Variants in NPAS3 observed in about 807,000 individuals in gnomAD.
NPAS3 encodes neuronal PAS domain-containing protein 3.
In NPAS3, 14 loss-of-function variants were observed where a neutral mutation model predicts 73.1. The observed-to-expected ratio is 0.19, with a 90% CI of 0.13 to 0.30. The LOEUF is 0.30. Among genes scored for constraint, NPAS3 ranks in the 10% least tolerant of loss-of-function variants. NPAS3 has a pLI of 1.00. For missense variants in NPAS3, 1,096 were observed against 1,250.0 expected, an observed-to-expected ratio of 0.88 and a Z score of 1.86; for synonymous variants, 620 against 541.5, an observed-to-expected ratio of 1.14 and a Z score of -2.01.
intron 4 of NPAS3, among the ~76,000 whole-genome samples, chr14:33,428,281 T>C (rs879390944): frequency 9.2e-5 from 14 of 152,160 alleles, no homozygotes; most frequent in Non-Finnish European, 1.8e-4. Flanking sequence ...GTCCTTCATC[T>C]GTACAATGAG....
intron 3 of NPAS3, among the ~76,000 whole-genome samples, chr14:33,235,254 G>C (rs371994288): frequency 2.0e-5 from 3 of 151,768 alleles, no homozygotes; most frequent in African/African-American, 7.3e-5. Flanking sequence ...CTCTTTTTTT[G>C]TCCTTTGTTT....
chr14:33,115,797 T>C (rs1350328300), intron 2 of NPAS3, among the ~76,000 whole-genome samples: 1 of 152,104 alleles, frequency 6.6e-6, no homozygotes, highest in African/African-American at 2.4e-5. Flanking sequence ...GAAAAACACA[T>C]GTGGAAAATT....
At chr14:33,040,000 G>A (rs555525353) in intron 1 of NPAS3, among the ~76,000 whole-genome samples, 1 of 151,940 alleles carries the variant, frequency 6.6e-6, no homozygotes, top group Non-Finnish European at 1.5e-5. Context: ...AAATATTTTT[G>A]AATACCAGAT....
intron 6 of NPAS3, among the ~76,000 whole-genome samples, chr14:33,724,497 G>T (rs2061207797): frequency 6.6e-6 from 1 of 152,072 alleles, no homozygotes; most frequent in African/African-American, 2.4e-5. Context: ...AGCCAGGCGT[G>T]GTGGCGCCCA....
chr14:32,996,414 A>C (rs532578571), intron 1 of NPAS3, among the ~76,000 whole-genome samples: 3 of 152,216 alleles, frequency 2.0e-5, no homozygotes, highest in African/African-American at 7.2e-5. Flanking sequence ...GTTAATCCCA[A>C]GACAATGGGG....
chr14:33,685,995 T>G (rs1485058192), intron 6 of NPAS3, among the ~76,000 whole-genome samples: 2 of 152,192 alleles, frequency 1.3e-5, no homozygotes, highest in African/African-American at 4.8e-5. Flanking sequence ...ATTATTATCA[T>G]AGACTATTTA....
intron 6 of NPAS3, among the ~76,000 whole-genome samples, chr14:33,681,674 GAT>G (rs2059942351): frequency 6.6e-6 from 1 of 152,272 alleles, no homozygotes; most frequent in Non-Finnish European, 1.5e-5. Context: ...TAATAACTGA[GAT>G]TTTTGGAGTC....
rs766923658 is a variant in NPAS3 at position 33,007,231 on chromosome 14, G to A, written c.51-48674G>A. Reference sequence around the variant, plus strand: ...GGGAGGGGTCTTAGTAGCGCCCGGCGCAAGCATCCTGGATGCCACAAGGTG... The same window carrying A: ...GGGAGGGGTCTTAGTAGCGCCCGGCACAAGCATCCTGGATGCCACAAGGTG... On this transcript the variant is annotated intron_variant, in intron 1 of 11. Coordinates refer to ENST00000356141, the Ensembl canonical transcript of NPAS3. 1.1e-4 allele frequency among the ~76,000 whole-genome samples: 17 copies of A among 152,280 alleles called. No homozygotes were observed. The East Asian group carries it at 1.7e-3, about 16-fold the overall frequency.
chr14:32,977,356 G>GCACACACACACA (rs3057259), intron 1 of NPAS3, among the ~76,000 whole-genome samples: 33,056 of 141,272 alleles, frequency 0.23, 4,677 homozygotes, highest in African/African-American at 0.38. Flanking sequence ...TCTCTGACAC[G>GCACACACACACA]CACACACACA....
chr14:32,949,192 G>A (rs763602717), intron 1 of NPAS3, among the ~76,000 whole-genome samples: 5 of 151,958 alleles, frequency 3.3e-5, no homozygotes, highest in Non-Finnish European at 5.9e-5. Flanking sequence ...GGGACACTAA[G>A]CTATCATTTT....
At chr14:33,768,469 G>T (rs1183281186) in intron 7 of NPAS3, among the ~76,000 whole-genome samples, 2 of 152,138 alleles carry the variant, frequency 1.3e-5, no homozygotes, top group East Asian at 3.9e-4. Context: ...TGATCTATAA[G>T]ATCCCTACTA....
intron 1 of NPAS3, among the ~76,000 whole-genome samples, chr14:32,963,435 C>G (rs1424979948): frequency 6.6e-6 from 1 of 152,170 alleles, no homozygotes; most frequent in Non-Finnish European, 1.5e-5. Flanking sequence ...ACTGGGTTCT[C>G]CAGCTTTTTC....
At chr14:33,456,051 G>C (rs945760907) in intron 4 of NPAS3, among the ~76,000 whole-genome samples, 6 of 152,190 alleles carry the variant, frequency 3.9e-5, no homozygotes, top group Admixed American at 3.3e-4. Flanking sequence ...GTCATGTATT[G>C]ATGATCCCAT....
chr14:33,587,658 A>G (rs2056912638), intron 5 of NPAS3, among the ~76,000 whole-genome samples: 1 of 152,188 alleles, frequency 6.6e-6, no homozygotes, highest in Admixed American at 6.5e-5. Flanking sequence ...CACTAAGTAT[A>G]TTCTTCTTAA....
intron 4 of NPAS3, among the ~76,000 whole-genome samples, chr14:33,395,940 C>T (rs960766675): frequency 2.6e-5 from 4 of 152,266 alleles, no homozygotes; most frequent in South Asian, 4.1e-4. Flanking sequence ...CCCAGCGGTT[C>T]CTTCCTAGAC....
chr14:33,573,601 G>A (rs1021144144), intron 5 of NPAS3, among the ~76,000 whole-genome samples: 1 of 152,190 alleles, frequency 6.6e-6, no homozygotes, highest in South Asian at 2.1e-4. Flanking sequence ...GGCAAAGGGA[G>A]GCATGTATGC....
At chr14:33,014,623 G>A (rs1236674677) in intron 1 of NPAS3, among the ~76,000 whole-genome samples, 1 of 152,054 alleles carries the variant, frequency 6.6e-6, no homozygotes, top group East Asian at 1.9e-4. Context: ...ATTCTTTTTA[G>A]TAAATAAATT....
chr14:33,784,742 TTTA>T (rs1258434769), intron 9 of NPAS3, among the ~76,000 whole-genome samples: 36 of 83,966 alleles, frequency 4.3e-4, no homozygotes, highest in African/African-American at 1.1e-3. Context: ...TATTTATTTA[TTTA>T]TTTTTTTTTT....
At chr14:33,142,777 T>C (rs2139186309) in intron 2 of NPAS3, among the ~76,000 whole-genome samples, 1 of 152,326 alleles carries the variant, frequency 6.6e-6, no homozygotes, top group Admixed American at 6.5e-5. Flanking sequence ...TTCCTTTTTG[T>C]CCTGGAGAAA....
Sources: allele counts gnomAD v4.1 joint callset (sites outside exome capture counted in the v4.1 genomes callset), GRCh38; gene constraint gnomAD v4.1.1; transcripts MANE v1.5; gene names NCBI Gene and HGNC (gene_info 2026-07-23, HGNC 2026-07-21).